MFSD8: variants seen among roughly 807,000 people sequenced by gnomAD.
MFSD8 encodes major facilitator superfamily domain containing 8.
A neutral mutation model predicts 66.4 loss-of-function variants in MFSD8; 55 were observed. The ratio of observed to expected loss-of-function variants is 0.83; its 90% CI spans 0.67 to 1.04. MFSD8 has a LOEUF of 1.04. Among genes scored for constraint, MFSD8 ranks in the 50% least tolerant of loss-of-function variants. The probability of loss-of-function intolerance (pLI) is 0.00; values close to 1 mark genes in which losing one functional copy is unlikely to be tolerated. For synonymous variants in MFSD8, 202 were observed against 212.8 expected (o/e 0.95, Z 0.44); for missense variants, 550 against 627.6 (o/e 0.88, Z 1.32).
chr4:127,946,813 G>C (rs1405952979), intron 3 of MFSD8, among the ~76,000 whole-genome samples: 1 of 151,980 alleles, frequency 6.6e-6, no homozygotes, highest in East Asian at 1.9e-4. Context: ...TACTTGGGAG[G>C]CTGAGGCAGG....
chr4:127,955,427 G>A (rs967184454), intron 2 of MFSD8, among the ~76,000 whole-genome samples: 36 of 151,814 alleles, frequency 2.4e-4, no homozygotes, highest in Non-Finnish European at 4.1e-4. Context: ...TGTAATCCCA[G>A]CTACCTGGGA....
chr4:127,933,698 GTAATT>G (rs1738550367), intron 7 of MFSD8: 1 of 152,218 alleles, frequency 6.6e-6, no homozygotes, highest in African/African-American at 2.4e-5. Context: ...AAATGGGAAT[GTAATT>G]TATAGAACTC....
chr4:127,938,650 A>G (rs1739562858), intron 7 of MFSD8, 133 bp downstream of exon 7: 1 of 442,342 alleles, frequency 2.3e-6, no homozygotes, highest in Non-Finnish European at 4.2e-6. Flanking sequence ...GGTCACTTTC[A>G]GCTTTGAAGA....
Position 127,949,907 on chromosome 4 carries a change from C to A in MFSD8, c.155-60G>T, listed in dbSNP as rs1018009139. ...AATAATTTAATCATTATTACAGATA[C>A]AATTTTCTGAACCGTGGCATGGATT... On this transcript the variant is annotated intron_variant, in intron 2 of 11. Coordinates refer to ENST00000641686, the MANE Select transcript of MFSD8 (RefSeq NM_001371596.2). 6.9e-6 allele frequency: 10 copies of A among 1,446,194 alleles called. No homozygotes were observed. The African/African-American group carries it at 1.4e-4, about 20-fold the overall frequency. The allele number at this position is 1,446,194 out of a possible 1,614,324, so 89.6% of individuals were successfully genotyped here.
chr4:127,928,036 T>C (rs2148864565), intron 9 of MFSD8, among the ~76,000 whole-genome samples: 1 of 152,138 alleles, frequency 6.6e-6, no homozygotes, highest in South Asian at 2.1e-4. Context: ...AAAATTATTC[T>C]TTTATTTATT....
chr4:127,928,605 G>T (rs1052126097), intron 9 of MFSD8, among the ~76,000 whole-genome samples: 6 of 152,180 alleles, frequency 3.9e-5, no homozygotes, highest in Non-Finnish European at 8.8e-5. Flanking sequence ...ATGCTGGCGA[G>T]GATGTGGAGA....
intron 2 of MFSD8, 106 bp from the exon 3 acceptor site, chr4:127,949,953 A>C: frequency 1.0e-6 from 1 of 960,300 alleles, no homozygotes; most frequent in Non-Finnish European, 1.6e-6. Flanking sequence ...CTGAACCTAA[A>C]ATCTATGCAT....
At chr4:127,939,758 C>G in intron 6 of MFSD8, 95 bp downstream of exon 6, 3 of 1,383,568 alleles carry the variant, frequency 2.2e-6, no homozygotes, top group Non-Finnish European at 3.0e-6. Context: ...TAAAAAACTA[C>G]GTACACTTCA....
chr4:127,933,258 T>C (rs1243713907), intron 7 of MFSD8, 165 bp from the exon 8 acceptor site: 1 of 569,916 alleles, frequency 1.8e-6, no homozygotes, highest in East Asian at 3.2e-5. Context: ...TTATTTTTAT[T>C]TTTTGAGACA....
intron 9 of MFSD8, among the ~76,000 whole-genome samples, chr4:127,925,300 C>T (rs1041245801): frequency 1.3e-4 from 20 of 152,134 alleles, no homozygotes; most frequent in Non-Finnish European, 2.5e-4. Context: ...TCAGAGTGAA[C>T]AAGCAACCTA....
upstream of MFSD8, chr4:127,965,266 C>T (rs936289355): frequency 4.3e-6 from 5 of 1,154,606 alleles, no homozygotes; most frequent in Admixed American, 2.0e-5. Context: ...GTAGGCGGAA[C>T]GCCCCGAGGT....
chr4:127,933,068 G>A lies in MFSD8; in HGVS notation c.780C>T (p.Pro260=). Residue 260 remains proline, a synonymous_variant, in exon 8 of 12, where the codon CCC becomes CCT. Transcript: ENST00000641686. ...CAGCAACCTGGTCAATATTTCCTTG[G>A]GGAACCTGAGCTTCATCTGTACTTG... ...EEASTDEAQV[P]QGNIDQVAVV... 6.2e-7 allele frequency: 1 copy of A among 1,613,590 alleles called. No individual in the cohort carries two copies. The highest frequency in any genetic ancestry group is 8.5e-7 in the Non-Finnish European group (1 of 1,179,792).
chr4:127,934,646 C>T (rs1056489819), intron 7 of MFSD8: 1 of 147,054 alleles, frequency 6.8e-6, no homozygotes, highest in African/African-American at 2.5e-5. Flanking sequence ...GAGACCCGAT[C>T]TCTGCTCAAT....
chr4:127,938,691 A>T, intron 7 of MFSD8, 92 bp downstream of exon 7: 1 of 1,031,800 alleles, frequency 9.7e-7, no homozygotes, highest in East Asian at 2.5e-5. Context: ...TGTTGTCCTC[A>T]GAAGCAAAAT....
At position 127,956,547 on chromosome 4, in the gene MFSD8, G is replaced by C. The variant is rs533364226; in HGVS notation, c.154+954C>G. Among the ~76,000 whole-genome samples the C allele has an allele frequency of 1.1e-4, 17 of 151,312 alleles. No individual in the cohort carries two copies. The South Asian group carries it at 3.6e-3, about 32-fold the overall frequency. On this transcript the variant is annotated intron_variant, in intron 2 of 11. Coordinates refer to ENST00000641686, the MANE Select transcript of MFSD8 (RefSeq NM_001371596.2). Reference sequence around the variant, plus strand: ...AGATGAAATATTTTTAACTGGGGGCGGTGACTCACGCCTGTAATCGCAGCA... The same window carrying C: ...AGATGAAATATTTTTAACTGGGGGCCGTGACTCACGCCTGTAATCGCAGCA...
At chr4:127,957,672 G>A (rs1743119920) in intron 1 of MFSD8, 80 bp from the exon 2 acceptor site, 1 of 958,794 alleles carries the variant, frequency 1.0e-6, no homozygotes, top group Non-Finnish European at 1.7e-6. Flanking sequence ...TTATTCTCTA[G>A]TTATGAAAAT....
chr4:127,944,716 A>T (rs922697829), intron 3 of MFSD8, among the ~76,000 whole-genome samples: 1 of 152,012 alleles, frequency 6.6e-6, no homozygotes, highest in Non-Finnish European at 1.5e-5. Flanking sequence ...GCTGGAGCGC[A>T]GTGGTCCGAT....
At chr4:127,953,888 A>C (rs1467358845) in intron 2 of MFSD8, among the ~76,000 whole-genome samples, 2 of 151,590 alleles carry the variant, frequency 1.3e-5, no homozygotes, top group Non-Finnish European at 2.9e-5. Flanking sequence ...CCAGTACTGA[A>C]TCATGCACAA....
At chr4:127,932,361 A>T (rs939979862) in intron 8 of MFSD8, 2 of 152,284 alleles carry the variant, frequency 1.3e-5, no homozygotes, top group Non-Finnish European at 2.9e-5. Flanking sequence ...ATGTATATAC[A>T]TACACTCTTA....
Sources: allele counts gnomAD v4.1 joint callset (sites outside exome capture counted in the v4.1 genomes callset), GRCh38; gene constraint gnomAD v4.1.1; transcripts MANE v1.5; gene names NCBI Gene and HGNC (gene_info 2026-07-23, HGNC 2026-07-21).